CGNL1: variants seen among roughly 807,000 people sequenced by gnomAD.
CGNL1 encodes the protein cingulin-like protein 1.
Under a neutral mutation model 141.2 loss-of-function variants are expected in CGNL1, and 132 were observed. That is an observed-to-expected ratio of 0.93 (90% CI 0.81 to 1.08). CGNL1 has a LOEUF of 1.08. Among genes scored for constraint, CGNL1 ranks in the 50% least tolerant of loss-of-function variants. CGNL1 has a pLI of 0.00. For missense variants in CGNL1, 1,870 were observed against 1,588.6 expected, an observed-to-expected ratio of 1.18 and a Z score of -3.01; for synonymous variants, 690 against 622.1, an observed-to-expected ratio of 1.11 and a Z score of -1.63.
In CGNL1 at chr15:57,453,707, G is replaced by A. The variant is rs1237014724; in HGVS notation, c.2079G>A (p.Arg693=). The change falls in exon 7 of 19, where the codon CGG becomes CGA. Residue 693 remains arginine, a synonymous_variant. Transcript: ENST00000281282. ...GGCTATTCCAGGTGAAGATGGAACG[G>A]GAGCAGCATCAGACTGAGATCAGGG... ...LEELFQVKME[R]EQHQTEIRDL... is the part of the protein sequence containing the mutation. 1 of 1,613,912 alleles carries A rather than the reference G, an allele frequency of 6.2e-7. No homozygotes were observed. The highest frequency in any genetic ancestry group is 8.5e-7 in the Non-Finnish European group (1 of 1,179,896).
Position 57,540,398 on chromosome 15 carries a change from C to T in CGNL1, c.3292-3298C>T, listed in dbSNP as rs117007391. Among the ~76,000 whole-genome samples the T allele has an allele frequency of 3.9e-5, 6 of 152,258 alleles. No individual in the cohort carries two copies. In the East Asian group the frequency reaches 1.2e-3, roughly 29 times the overall value. On this transcript the variant is annotated intron_variant, in intron 14 of 18. Transcript: ENST00000281282. The stretch of plus-strand genomic sequence containing the variant: ...AGAGACCATGTGCAGGGGAATTTCC[C>T]TTTATAAAGCCATCAGATCTCATGA...
chr15:57,400,887 T>TTA (rs1406183667), intron 1 of CGNL1, among the ~76,000 whole-genome samples: 29 of 77,908 alleles, frequency 3.7e-4, no homozygotes, highest in African/African-American at 1.4e-3. Context: ...TGTCTCAAAT[T>TTA]AAAAAAAAAA....
chr15:57,468,895 T>C (rs1200581384), intron 8 of CGNL1, among the ~76,000 whole-genome samples: 1 of 152,190 alleles, frequency 6.6e-6, no homozygotes, highest in Admixed American at 6.5e-5. Flanking sequence ...TTTTGCGCCT[T>C]CCTCATTCTC....
chr15:57,479,327 G>T (rs1480331685), intron 8 of CGNL1, among the ~76,000 whole-genome samples: 1 of 152,196 alleles, frequency 6.6e-6, no homozygotes, highest in Admixed American at 6.5e-5. Flanking sequence ...GAAGAGGCCT[G>T]GGGACTGACT....
intron 7 of CGNL1, among the ~76,000 whole-genome samples, chr15:57,457,106 C>T (rs113212422): frequency 4.6e-4 from 70 of 152,284 alleles, no homozygotes; most frequent in Middle Eastern, 3.4e-3. Flanking sequence ...GCTACCGTTG[C>T]TATAAAACCT....
chr15:57,441,834 G>A (rs1489618998), intron 3 of CGNL1, among the ~76,000 whole-genome samples: 3 of 152,026 alleles, frequency 2.0e-5, no homozygotes, highest in Non-Finnish European at 4.4e-5. Context: ...TAGTATCTCC[G>A]TGTTACCTGT....
intron 1 of CGNL1, among the ~76,000 whole-genome samples, chr15:57,387,831 T>G (rs1438197151): frequency 6.6e-6 from 1 of 152,232 alleles, no homozygotes; most frequent in Non-Finnish European, 1.5e-5. Flanking sequence ...ATAATATCCT[T>G]TGCTTTAGAT....
At chr15:57,420,829 G>A (rs1237177959) in intron 1 of CGNL1, among the ~76,000 whole-genome samples, 7 of 152,212 alleles carry the variant, frequency 4.6e-5, no homozygotes, top group Non-Finnish European at 8.8e-5. Flanking sequence ...GTTAGAAAAA[G>A]CTTGTGAACA....
Position 57,383,614 on chromosome 15 carries a change from TTCTTTTCTTTTCTTTTC to T in CGNL1, c.-16+7049_-16+7065del, listed in dbSNP as rs1344148161. Among the ~76,000 whole-genome samples the T allele has an allele frequency of 5.9e-5, 7 of 119,534 alleles. 2 individuals carry two copies. The highest frequency in any genetic ancestry group is 2.4e-4 in the African/African-American group (5 of 20,600). The allele number at this position is 119,534 out of a possible 152,430, so 78.4% of individuals were successfully genotyped here. ...CATCTGCCTTTTCTTTTCTTTTCTT[TTCTTTTCTTTTCTTTTC>T]TTTTTTTTTTTGAGATAATCTCACT... On this transcript the variant is annotated intron_variant, in intron 1 of 18. Transcript: ENST00000281282.
chr15:57,499,501 G>T (rs1180226970), intron 8 of CGNL1, among the ~76,000 whole-genome samples: 1 of 152,102 alleles, frequency 6.6e-6, no homozygotes, highest in Admixed American at 6.5e-5. Flanking sequence ...GCCTCCCAAA[G>T]TGCTGGGATT....
chr15:57,506,567 C>T (rs1239762932), intron 8 of CGNL1, among the ~76,000 whole-genome samples: 1 of 152,096 alleles, frequency 6.6e-6, no homozygotes, highest in African/African-American at 2.4e-5. Flanking sequence ...TAGCTGAAGC[C>T]CCCAGCTGGC....
intron 8 of CGNL1, chr15:57,478,311 T>C (rs1193675464): frequency 1.3e-5 from 2 of 152,220 alleles, no homozygotes; most frequent in South Asian, 2.1e-4. Context: ...CTGGTAGATA[T>C]TGCAGGTGAA....
intron 1 of CGNL1, among the ~76,000 whole-genome samples, chr15:57,411,694 C>T (rs1039584964): frequency 6.6e-6 from 1 of 151,902 alleles, no homozygotes; most frequent in African/African-American, 2.4e-5. Flanking sequence ...ATCCACCCAC[C>T]TCAGCCTCCC....
intron 1 of CGNL1, among the ~76,000 whole-genome samples, chr15:57,393,313 A>G (rs1240407474): frequency 6.6e-6 from 1 of 152,242 alleles, no homozygotes; most frequent in African/African-American, 2.4e-5. Flanking sequence ...AGCTATGGTA[A>G]GATCATTTCC....
intron 7 of CGNL1, among the ~76,000 whole-genome samples, chr15:57,456,067 T>C (rs2063375549): frequency 6.6e-6 from 1 of 152,216 alleles, no homozygotes; most frequent in Non-Finnish European, 1.5e-5. Flanking sequence ...TCAGTTTCCT[T>C]TGACTTGTCA....
At chr15:57,421,018 G>A (rs376750136) in intron 1 of CGNL1, among the ~76,000 whole-genome samples, 11 of 152,338 alleles carry the variant, frequency 7.2e-5, no homozygotes, top group African/African-American at 2.6e-4. Context: ...TTGAAGATGG[G>A]ATCTTTGGGA....
intron 1 of CGNL1, among the ~76,000 whole-genome samples, chr15:57,387,398 G>A (rs2152224738): frequency 6.6e-6 from 1 of 152,192 alleles, no homozygotes. Flanking sequence ...CATTGATTTT[G>A]ATCCTTCTTG....
chr15:57,504,334 G>A (rs1304448953), intron 8 of CGNL1, among the ~76,000 whole-genome samples: 1 of 152,174 alleles, frequency 6.6e-6, no homozygotes, highest in Non-Finnish European at 1.5e-5. Context: ...GTTGATGGGC[G>A]GCTGAGCCAG....
intron 4 of CGNL1, among the ~76,000 whole-genome samples, chr15:57,443,592 A>G (rs999635930): frequency 2.6e-5 from 4 of 152,168 alleles, no homozygotes; most frequent in Non-Finnish European, 5.9e-5. Flanking sequence ...CAGCTAACCC[A>G]TGACTGCTGC....
Sources: allele counts gnomAD v4.1 joint callset (sites outside exome capture counted in the v4.1 genomes callset), GRCh38; gene constraint gnomAD v4.1.1; transcripts MANE v1.5; gene names NCBI Gene and HGNC (gene_info 2026-07-23, HGNC 2026-07-21).